LHX6: variants seen among roughly 807,000 people sequenced by gnomAD.
LHX6 encodes LIM/homeobox protein Lhx6.
A neutral mutation model predicts 47.1 loss-of-function variants in LHX6; 15 were observed. That is an observed-to-expected ratio of 0.32 (90% CI 0.21 to 0.49). The LOEUF (loss-of-function observed/expected upper bound fraction) is 0.49. Ranked by LOEUF, LHX6 falls within the 20% of genes least tolerant of loss-of-function variation. LHX6 has a pLI of 0.99. For synonymous variants in LHX6, 242 were observed against 233.5 expected (o/e 1.04, Z -0.33); for missense variants, 404 against 539.6 (o/e 0.75, Z 2.49).
chr9:122,227,565 G>A (rs1461806475), intron 1 of LHX6, 85 bp from the exon 2 acceptor site: 6 of 1,433,942 alleles, frequency 4.2e-6, no homozygotes, highest in South Asian at 1.4e-5. Flanking sequence ...CCCCGCGCCT[G>A]TTATATAAAC....
At chr9:122,215,961 G>A (rs1023024726) in intron 5 of LHX6, among the ~76,000 whole-genome samples, 6 of 152,288 alleles carry the variant, frequency 3.9e-5, no homozygotes, top group East Asian at 1.9e-4. Context: ...TTTTAGATGG[G>A]AAACTAAAAC....
chr9:122,219,104 C>G (rs1229492249), intron 4 of LHX6, among the ~76,000 whole-genome samples: 1 of 152,156 alleles, frequency 6.6e-6, no homozygotes, highest in East Asian at 1.9e-4. Context: ...GGAAACAGTC[C>G]GGCAAAAAGG....
chr9:122,209,873 T>C (rs1031316951), intron 8 of LHX6, among the ~76,000 whole-genome samples, 156 bp from the exon 9 acceptor site: 2 of 151,916 alleles, frequency 1.3e-5, no homozygotes, highest in African/African-American at 2.4e-5. Flanking sequence ...GGGTTGGTTG[T>C]GATGATCTTT....
chr9:122,206,057 G>A (rs1282818081), intron 9 of LHX6, among the ~76,000 whole-genome samples: 2 of 152,186 alleles, frequency 1.3e-5, no homozygotes, highest in Non-Finnish European at 2.9e-5. Flanking sequence ...CCCTCCATGG[G>A]TCTCAGTCTC....
intron 4 of LHX6, among the ~76,000 whole-genome samples, chr9:122,220,788 T>C (rs936427869): frequency 1.3e-5 from 2 of 152,204 alleles, no homozygotes; most frequent in African/African-American, 4.8e-5. Flanking sequence ...CAGTGCCCTC[T>C]ACCCCCTGAA....
rs756534518 is a variant in LHX6, at chr9:122,214,058, C to T, written c.795G>A (p.Ala265=). ...CGGGGTTGTTGTCCTGCGCGAACTG[C>T]GCCTGCATAACCTGCGGGGCGGGGA... The part of the protein sequence containing the change: ...FTAEQLQVMQ[A]QFAQDNNPDA... Residue 265 remains alanine (A), a synonymous_variant, in exon 7 of 10, where the codon GCG becomes GCA. Coordinates refer to ENST00000394319, the MANE Select transcript of LHX6 (RefSeq NM_014368.5). This position sits in a 1 kb window ranked among gnomAD's most constrained non-coding sequence, Gnocchi z 4.6. 4.4e-6 allele frequency: 7 copies of T among 1,601,588 alleles called. No individual in the cohort carries two copies. Among genetic ancestry groups the T allele is most frequent in the Admixed American group, 1.7e-5 (1 of 59,964 alleles).
In LHX6 at chr9:122,204,733, C is replaced by T. The variant is rs757630584; in HGVS notation, c.*27G>A. ...CTGAGGGGCAGCTGTGGGGCGCCCA[C>T]GGGCAGATGCGGAAGTGCCGGCAGC... On this transcript the variant is annotated 3_prime_UTR_variant, in exon 10 of 10. Coordinates refer to ENST00000394319, the MANE Select transcript of LHX6 (RefSeq NM_014368.5). 27 of 1,593,658 alleles carry T rather than the reference C, an allele frequency of 1.7e-5. No homozygotes were observed. Among genetic ancestry groups the T allele is most frequent in the African/African-American group, 5.4e-5 (4 of 74,188 alleles).
chr9:122,207,931 C>T (rs1186284612), intron 9 of LHX6, among the ~76,000 whole-genome samples: 1 of 152,128 alleles, frequency 6.6e-6, no homozygotes, highest in Non-Finnish European at 1.5e-5. Context: ...CCGAGCACAC[C>T]AAGACCGGGA....
chr9:122,228,254 AG>A, intron 1 of LHX6: 4 of 1,534,410 alleles, frequency 2.6e-6, no homozygotes, highest in Non-Finnish European at 3.5e-6. Context: ...GAGAAAAGAG[AG>A]GCGCTCAAGG....
At chr9:122,209,893 T>G (rs577762050) in intron 8 of LHX6, among the ~76,000 whole-genome samples, 176 bp from the exon 9 acceptor site, 40 of 152,030 alleles carry the variant, frequency 2.6e-4, no homozygotes, top group African/African-American at 8.4e-4. Flanking sequence ...TTTTTTTTTT[T>G]GAGACGGAGT....
chr9:122,203,413 A>G lies in LHX6; in HGVS notation c.*1347T>C, dbSNP rs995403036. 11 of 152,678 alleles carry G rather than the reference A, an allele frequency of 7.2e-5. No individual in the cohort carries two copies. The highest frequency in any genetic ancestry group is 5.2e-4 in the Admixed American group (8 of 15,278). The allele number at this position is 152,678 out of a possible 1,614,324, so 9.5% of individuals were successfully genotyped here. A position where few individuals can be genotyped will look rare whatever the true frequency, so the allele number is the denominator to read the frequency against. On this transcript the variant is annotated 3_prime_UTR_variant, in exon 10 of 10. Transcript: ENST00000394319. ...AAAAGCAACATAACAGGTTAACCAC[A>G]GCAGGAAGGCGGACTTGGGCTAAAA... is the stretch of plus-strand genomic sequence containing the variant.
At position 122,214,486 on chromosome 9, in the gene LHX6, G is replaced by A. The variant is rs986660608; in HGVS notation, c.683-103C>T. 1 of 1,392,160 alleles carries A rather than the reference G, an allele frequency of 7.2e-7. No homozygotes were observed. Among genetic ancestry groups the A allele is most frequent in the Non-Finnish European group, 9.3e-7 (1 of 1,077,072 alleles). 86.2% of individuals were successfully genotyped at this position (1,392,160 alleles called of 1,614,324 possible). A position where few individuals can be genotyped will look rare whatever the true frequency, so the allele number is the denominator to read the frequency against. ...GCTTGTCCCTGGAAGGGTCAGGAGC[G>A]GGAGTTGGCTGGGAGCAGGGATCCC... On this transcript the variant is annotated intron_variant, in intron 5 of 9. Transcript: ENST00000394319. The surrounding 1 kb of genome is among the most constrained non-coding windows in gnomAD (Gnocchi z 4.6).
chr9:122,204,590 C>A lies in LHX6; in HGVS notation c.*170G>T, dbSNP rs1430303981. 9.8e-6 allele frequency: 6 copies of A among 614,010 alleles called. No individual in the cohort carries two copies. The highest frequency in any genetic ancestry group is 1.7e-5 in the Non-Finnish European group (6 of 363,400). The allele number at this position is 614,010 out of a possible 1,614,324, so 38.0% of individuals were successfully genotyped here. A position where few individuals can be genotyped will look rare whatever the true frequency, so the allele number is the denominator to read the frequency against. On this transcript the variant is annotated 3_prime_UTR_variant, in exon 10 of 10. Transcript: ENST00000394319. ...GCTCCTGGTGGGTTCTGGTTCTCAG[C>A]AGGAGAGGGAAAGGCCAGGCCTCGG...
Position 122,214,501 on chromosome 9 carries a change from G to A in LHX6, c.683-118C>T. ...GGTCAGGAGCGGGAGTTGGCTGGGA[G>A]CAGGGATCCCAGGGTCCTAGTCCCT... On this transcript the variant is annotated intron_variant, in intron 5 of 9. Coordinates refer to ENST00000394319, the MANE Select transcript of LHX6 (RefSeq NM_014368.5). This position sits in a 1 kb window ranked among gnomAD's most constrained non-coding sequence, Gnocchi z 4.6. 1 of 1,347,456 alleles carries A rather than the reference G, an allele frequency of 7.4e-7. No individual in the cohort carries two copies. The highest frequency in any genetic ancestry group is 9.6e-7 in the Non-Finnish European group (1 of 1,038,292). 83.5% of individuals were successfully genotyped at this position (1,347,456 alleles called of 1,614,324 possible).
At position 122,226,588 on chromosome 9, in the gene LHX6, G is replaced by T. The variant is rs544977600; in HGVS notation, c.340-91C>A. ...CCCGGTCTCATTTACAGTCAGAGGC[G>T]CTGAAGCTCAGAAGGTGCATGCGAT... On this transcript the variant is annotated intron_variant, in intron 3 of 9. Transcript: ENST00000394319. The surrounding 1 kb of genome is among the most constrained non-coding windows in gnomAD (Gnocchi z 6.5). 3.8e-4 allele frequency: 576 copies of T among 1,531,648 alleles called. 6 individuals are homozygous for T. The highest frequency in any genetic ancestry group is 1.1e-4 in the Admixed American group (5 of 46,896). The allele number at this position is 1,531,648 out of a possible 1,614,324, so 94.9% of individuals were successfully genotyped here. A position where few individuals can be genotyped will look rare whatever the true frequency, so the allele number is the denominator to read the frequency against.
In LHX6 at chr9:122,219,584, G is replaced by A. The variant is rs545660100; in HGVS notation, c.462-2296C>T. On this transcript the variant is annotated intron_variant, in intron 4 of 9. Transcript: ENST00000394319. The stretch of plus-strand genomic sequence containing the variant: ...CGATTATTTGTGCTGCGGGAGGAGG[G>A]GGAGCCCAGCCGCGCGTAGAGACCT... 9.8e-5 allele frequency among the ~76,000 whole-genome samples: 15 copies of A among 152,328 alleles called. No individual in the cohort carries two copies. In the South Asian group the frequency reaches 1.9e-3, roughly 19 times the overall value.
In LHX6 at chr9:122,213,662, G is replaced by T. The variant is rs1319744562; in HGVS notation, c.998C>A (p.Thr333Asn). ...PSALSDDIHYTPFSSPERARM... is the reference protein window; with the variant it reads ...PSALSDDIHYNPFSSPERARM... ...CGCCCGCTCGGGGCTGCTGAACGGGGTGTAGTGGATGTCGTCGGACAGGGC... is the reference window on the plus strand; with the variant it reads ...CGCCCGCTCGGGGCTGCTGAACGGGTTGTAGTGGATGTCGTCGGACAGGGC... Residue 333 changes from threonine to asparagine, a missense_variant, in exon 8 of 10, where the codon ACC (threonine) becomes AAC (asparagine). Transcript: ENST00000394319. The surrounding 1 kb of genome is among the most constrained non-coding windows in gnomAD (Gnocchi z 5.5). The T allele has an allele frequency of 6.2e-7, 1 of 1,612,124 alleles. No homozygotes were observed. The highest frequency in any genetic ancestry group is 1.3e-5 in the African/African-American group (1 of 74,930).
chr9:122,228,309 G>A lies in LHX6; in HGVS notation c.84+348C>T, dbSNP rs984116795. 16 of 1,534,658 alleles carry A rather than the reference G, an allele frequency of 1.0e-5. 1 individual carries two copies. Among genetic ancestry groups the A allele is most frequent in the East Asian group, 4.9e-5 (2 of 40,788 alleles). ...CAGCCCCTCGGCGCGCCGGGTACCG[G>A]CCCCGCGTCGGGATTCTCAGCGCTG... is the stretch of plus-strand genomic sequence containing the variant. On this transcript the variant is annotated intron_variant, in intron 1 of 9. Transcript: ENST00000394319.
Position 122,214,401 on chromosome 9 carries a change from A to G in LHX6, c.683-18T>C, listed in dbSNP as rs1427677008. The G allele has an allele frequency of 1.3e-6, 2 of 1,547,516 alleles. No homozygotes were observed. The highest frequency in any genetic ancestry group is 1.7e-6 in the Non-Finnish European group (2 of 1,152,392). On this transcript the variant is annotated intron_variant, in intron 5 of 9. Coordinates refer to ENST00000394319, the MANE Select transcript of LHX6 (RefSeq NM_014368.5). The surrounding 1 kb of genome is among the most constrained non-coding windows in gnomAD (Gnocchi z 4.6). ...GCCGTTCCCTGGGGGCGATAGAAGC[A>G]GCTGACCACGCGTCCCCATCTCTTC... is the stretch of plus-strand genomic sequence containing the variant.
Sources: gnomAD v4.1 joint callset for allele counts (sites outside exome capture counted in the v4.1 genomes callset) on GRCh38, gnomAD v4.1.1 for gene constraint, Gnocchi (gnomAD v3.1) non-coding constraint, MANE v1.5 for transcripts, NCBI Gene and HGNC (gene_info 2026-07-23, HGNC 2026-07-21) for gene names.